Variants in PSME4 observed in about 807,000 individuals in gnomAD.
The protein encoded by PSME4 is proteasome activator subunit 4.
PSME4 carries 89 observed loss-of-function variants against 253.9 expected under a neutral mutation model. The ratio of observed to expected loss-of-function variants is 0.35; its 90% CI spans 0.30 to 0.42. The LOEUF (loss-of-function observed/expected upper bound fraction) is 0.42. PSME4 is among the 10% of genes least tolerant of loss of function. The pLI, the probability that PSME4 is intolerant of heterozygous loss-of-function variation, is 1.00. For synonymous variants in PSME4, 851 were observed against 759.2 expected (o/e 1.12, Z -1.99); for missense variants, 2,014 against 2,195.2 (o/e 0.92, Z 1.65).
chr2:53,926,142 A>G lies in PSME4; in HGVS notation c.1594-119T>C, dbSNP rs1028698480. 6 of 719,670 alleles carry G rather than the reference A, an allele frequency of 8.3e-6. No homozygotes were observed. In the African/African-American group the frequency reaches 1.1e-4, roughly 13 times the overall value. The allele number at this position is 719,670 out of a possible 1,614,324, so 44.6% of individuals were successfully genotyped here. A position where few individuals can be genotyped will look rare whatever the true frequency, so the allele number is the denominator to read the frequency against. The stretch of plus-strand genomic sequence containing the variant: ...ACACTAAACCATTATATTGGGTACT[A>G]TGAGAAACAGCACCATGCTAGACTT... On this transcript the variant is annotated intron_variant, in intron 12 of 46. Coordinates refer to ENST00000404125, the MANE Select transcript of PSME4 (RefSeq NM_014614.3).
intron 1 of PSME4, among the ~76,000 whole-genome samples, chr2:53,963,187 G>A (rs573391979): frequency 4.6e-5 from 7 of 152,128 alleles, no homozygotes; most frequent in Admixed American, 2.0e-4. Flanking sequence ...TTAGCTTGGC[G>A]TGGTGGTATA....
Position 53,906,840 on chromosome 2 carries a change from G to T in PSME4, c.2813C>A (p.Ala938Glu). ...TAACATTACTCTATCAATCAACAGT[G>T]CTCTGATATGTTGTTTTTTCCCATG... is the stretch of plus-strand genomic sequence containing the variant. Reference protein sequence around the residue: ...RLHGKKQHIRALLIDRVMLQH... With the variant: ...RLHGKKQHIRELLIDRVMLQH... Residue 938 changes from alanine to glutamate, a missense_variant, in exon 25 of 47, where the codon GCA becomes GAA. By Grantham distance (107) the Ala-to-Glu change is moderately radical. Transcript: ENST00000404125. The T allele has an allele frequency of 6.2e-7, 1 of 1,613,506 alleles. No individual in the cohort carries two copies. Among genetic ancestry groups the T allele is most frequent in the Non-Finnish European group, 8.5e-7 (1 of 1,179,748 alleles).
At chr2:53,867,335 T>C (rs569369722) in intron 44 of PSME4, among the ~76,000 whole-genome samples, 146 of 152,078 alleles carry the variant, frequency 9.6e-4, no homozygotes, top group African/African-American at 3.3e-3. Flanking sequence ...CGAAACCCTG[T>C]CTCTGCTAAA....
Position 53,925,604 on chromosome 2 carries a change from C to T in PSME4, c.1744G>A (p.Val582Ile). 6.2e-7 allele frequency: 1 copy of T among 1,610,254 alleles called. No individual in the cohort carries two copies. Among genetic ancestry groups the T allele is most frequent in the East Asian group, 2.2e-5 (1 of 44,760 alleles). Residue 582 changes from valine to isoleucine, a missense_variant, in exon 14 of 47, where the codon GTC (valine) becomes ATC (isoleucine). By Grantham distance (29) the Val-to-Ile change is conservative. Coordinates refer to ENST00000404125, the MANE Select transcript of PSME4 (RefSeq NM_014614.3). The part of the protein sequence containing the change: ...TEKMTHLESL[V>I]ELGLSSTFST... ...AACGTAGAAGACAGACCTAATTCGA[C>T]CAAACTCTCCAAGTGTGTCATTTTC...
chr2:53,877,472 T>A (rs1195506515), intron 41 of PSME4, among the ~76,000 whole-genome samples: 1 of 152,024 alleles, frequency 6.6e-6, no homozygotes, highest in Non-Finnish European at 1.5e-5. Context: ...GGACAAACTA[T>A]CATAGTGAAT....
intron 42 of PSME4, among the ~76,000 whole-genome samples, chr2:53,875,135 A>G (rs1364934673): frequency 1.3e-5 from 2 of 152,186 alleles, no homozygotes; most frequent in African/African-American, 2.4e-5. Flanking sequence ...GTTGTTGAAA[A>G]TATTTTCCAG....
At chr2:53,940,989 A>ATATATATATATG (rs1558414151) in intron 3 of PSME4, among the ~76,000 whole-genome samples, 1 of 89,706 alleles carries the variant, frequency 1.1e-5, no homozygotes, top group African/African-American at 3.5e-5. Context: ...ATATATATAT[A>ATATATATATATG]TATATATATA....
intron 27 of PSME4, among the ~76,000 whole-genome samples, chr2:53,903,168 C>T (rs1476420717): frequency 6.6e-6 from 1 of 152,148 alleles, no homozygotes; most frequent in East Asian, 1.9e-4. Flanking sequence ...AATCAACATA[C>T]ATGGAAATGG....
rs538906175 is a variant in PSME4 at position 53,893,555 on chromosome 2, C to T, written c.4038+119G>A. The T allele has an allele frequency of 4.6e-6, 7 of 1,530,994 alleles. No homozygotes were observed. In the South Asian group the frequency reaches 7.4e-5, roughly 16 times the overall value. The allele number at this position is 1,530,994 out of a possible 1,614,324, so 94.8% of individuals were successfully genotyped here. The stretch of plus-strand genomic sequence containing the variant: ...AGTCTGTACATGTTCAGTGTAAATT[C>T]CAGTGCCATTTTAGATCAAGGCAGA... On this transcript the variant is annotated intron_variant, in intron 35 of 46. Coordinates refer to ENST00000404125, the MANE Select transcript of PSME4 (RefSeq NM_014614.3).
At chr2:53,929,666 A>G (rs2104458120) in intron 10 of PSME4, among the ~76,000 whole-genome samples, 1 of 151,990 alleles carries the variant, frequency 6.6e-6, no homozygotes, top group Admixed American at 6.6e-5. Context: ...TGTAAAACTA[A>G]GTGTCTAAGA....
chr2:53,879,667 T>C (rs1679287823), intron 41 of PSME4, among the ~76,000 whole-genome samples: 4 of 152,028 alleles, frequency 2.6e-5, no homozygotes, highest in Admixed American at 2.6e-4. Context: ...ATGTGCTGTG[T>C]CTACCAAATA....
chr2:53,968,229 C>T (rs906210964), intron 1 of PSME4, among the ~76,000 whole-genome samples: 111 of 151,392 alleles, frequency 7.3e-4, no homozygotes, highest in Middle Eastern at 3.4e-3. Flanking sequence ...GGGCCAAGAT[C>T]CTGCCACTGC....
intron 41 of PSME4, among the ~76,000 whole-genome samples, chr2:53,884,514 C>T (rs564255919): frequency 5.3e-5 from 8 of 152,164 alleles, no homozygotes; most frequent in East Asian, 1.9e-4. Flanking sequence ...GGGCCTCTAT[C>T]GTACAGGTTT....
At chr2:53,928,848 A>G (rs1017879645) in intron 10 of PSME4, among the ~76,000 whole-genome samples, 3 of 152,146 alleles carry the variant, frequency 2.0e-5, no homozygotes, top group Non-Finnish European at 4.4e-5. Flanking sequence ...TTTCCATGCC[A>G]ATTCCACAGT....
chr2:53,940,383 G>C (rs1418118219), intron 3 of PSME4, among the ~76,000 whole-genome samples: 5 of 152,002 alleles, frequency 3.3e-5, no homozygotes, highest in Non-Finnish European at 7.4e-5. Context: ...GCAGCAGACA[G>C]ACCAAAATCT....
intron 1 of PSME4, among the ~76,000 whole-genome samples, chr2:53,960,537 T>C (rs1326674943): frequency 6.6e-6 from 1 of 152,056 alleles, no homozygotes; most frequent in Non-Finnish European, 1.5e-5. Flanking sequence ...ACTAACATAA[T>C]CAACTCTGGA....
intron 43 of PSME4, among the ~76,000 whole-genome samples, chr2:53,871,476 G>T (rs903584750): frequency 6.6e-6 from 1 of 151,156 alleles, no homozygotes; most frequent in African/African-American, 2.4e-5. Flanking sequence ...GGATGGTCTC[G>T]ATCTCCTGAC....
Position 53,898,640 on chromosome 2 carries a change from C to T in PSME4, c.3423-286G>A, listed in dbSNP as rs1003277144. Among the ~76,000 whole-genome samples the T allele has an allele frequency of 8.4e-3, 1,246 of 148,528 alleles. 17 individuals carry two copies. Among genetic ancestry groups the T allele is most frequent in the African/African-American group, 0.025 (966 of 39,358 alleles). Reference sequence around the variant, plus strand: ...ATCAATTAATTGGGAGTGGCACACACACACACACACACACACACACACACA... The same window carrying T: ...ATCAATTAATTGGGAGTGGCACACATACACACACACACACACACACACACA... On this transcript the variant is annotated intron_variant, in intron 29 of 46. Transcript: ENST00000404125.
In PSME4 at chr2:53,867,648, C is replaced by T. The variant is rs146102340; in HGVS notation, c.5264-768G>A. ...CAAAACCACTGCACTCCAAGGAGGG[C>T]GATAGAGGAAGACCTTACCTCAAAA... On this transcript the variant is annotated intron_variant, in intron 44 of 46. Coordinates refer to ENST00000404125, the MANE Select transcript of PSME4 (RefSeq NM_014614.3). 1.9e-3 allele frequency among the ~76,000 whole-genome samples: 243 copies of T among 126,486 alleles called. No homozygotes were observed. In the Middle Eastern group the frequency reaches 0.033, roughly 17 times the overall value. 83.0% of individuals were successfully genotyped at this position (126,486 alleles called of 152,430 possible). A position where few individuals can be genotyped will look rare whatever the true frequency, so the allele number is the denominator to read the frequency against.
Sources: gnomAD v4.1 joint callset for allele counts (sites outside exome capture counted in the v4.1 genomes callset) on GRCh38, gnomAD v4.1.1 for gene constraint, MANE v1.5 for transcripts, NCBI Gene and HGNC (gene_info 2026-07-23, HGNC 2026-07-21) for gene names.